The following DAB1 variants were observed in gnomAD, a reference collection of about 807,000 sequenced individuals.
DAB1 encodes DAB adaptor protein 1, also known as disabled homolog 1.
DAB1 carries 15 observed loss-of-function variants against 64.6 expected under a neutral mutation model. The observed-to-expected ratio is 0.23, with a 90% CI of 0.16 to 0.36. DAB1 has a LOEUF of 0.36. Among genes scored for constraint, DAB1 ranks in the 10% least tolerant of loss-of-function variants. The pLI is 1.00. For missense variants in DAB1, 596 were observed against 706.7 expected (o/e 0.84, Z 1.78); for synonymous variants, 235 against 251.9 (o/e 0.93, Z 0.64).
chr1:57,011,073 C>A, intron 13 of DAB1, 72 bp downstream of exon 13: 2 of 1,578,274 alleles, frequency 1.3e-6, no homozygotes, highest in Admixed American at 1.7e-5. Context: ...CTTCCTCATG[C>A]ATTATCCATT....
intron 7 of DAB1, among the ~76,000 whole-genome samples, chr1:57,452,166 C>G (rs1180123321): frequency 1.3e-5 from 1 of 75,012 alleles, no homozygotes; most frequent in Non-Finnish European, 2.3e-5. Flanking sequence ...TGCACCCCCC[C>G]TTTTTTTTTT....
intron 3 of DAB1, among the ~76,000 whole-genome samples, chr1:58,455,082 A>G (rs575652626): frequency 6.6e-6 from 1 of 152,278 alleles, no homozygotes; most frequent in African/African-American, 2.4e-5. Flanking sequence ...TCTATATTTG[A>G]GTTCTTCCAG....
At chr1:57,968,813 C>T (rs1645730292) in intron 5 of DAB1, among the ~76,000 whole-genome samples, 2 of 152,146 alleles carry the variant, frequency 1.3e-5, no homozygotes, top group Admixed American at 6.6e-5. Flanking sequence ...GCTTACAAAG[C>T]TGAATTTATT....
intron 2 of DAB1, among the ~76,000 whole-genome samples, chr1:57,218,534 A>C (rs1054909910): frequency 2.0e-5 from 3 of 148,916 alleles, no homozygotes; most frequent in South Asian, 2.1e-4. Flanking sequence ...AAAAAAAAAA[A>C]AAAAAAAAAC....
intron 3 of DAB1, among the ~76,000 whole-genome samples, chr1:58,473,437 G>A (rs1296916060): frequency 6.6e-6 from 1 of 151,996 alleles, no homozygotes; most frequent in African/African-American, 2.4e-5. Context: ...AGCTACTCGG[G>A]AGGCTGAGGC....
chr1:57,653,620 AT>A (rs1176557046), intron 6 of DAB1, among the ~76,000 whole-genome samples: 23 of 149,650 alleles, frequency 1.5e-4, no homozygotes, highest in East Asian at 1.4e-3. Context: ...TTACATTATT[AT>A]TTTTTTTTTG....
At chr1:57,854,091 T>C (rs1653649584) in intron 1 of DAB1, among the ~76,000 whole-genome samples, 1 of 152,208 alleles carries the variant, frequency 6.6e-6, no homozygotes. Flanking sequence ...AAGTAGTTTT[T>C]AAGTTAAAAA....
At chr1:57,699,782 G>A (rs1378592320) in intron 6 of DAB1, among the ~76,000 whole-genome samples, 2 of 151,982 alleles carry the variant, frequency 1.3e-5, no homozygotes, top group African/African-American at 4.8e-5. Context: ...GCGTGGTGGT[G>A]CGTGCCTGTA....
At chr1:57,338,634 T>C (rs1677299133) in intron 1 of DAB1, among the ~76,000 whole-genome samples, 1 of 152,318 alleles carries the variant, frequency 6.6e-6, no homozygotes, top group African/African-American at 2.4e-5. Flanking sequence ...ATATGTAGTA[T>C]CTATTTCTGC....
chr1:58,460,187 T>C lies in DAB1; in HGVS notation n.257+45873A>G, dbSNP rs1314929092. ...AGTTGAAGCACAAAGTCTAGGCATA[T>C]ATATATACCATTTTACTATCCAGGA... On this transcript the variant is annotated intron_variant and non_coding_transcript_variant, in intron 3 of 20. Transcript: ENST00000485760. Among the ~76,000 whole-genome samples the C allele has an allele frequency of 2.0e-5, 3 of 152,124 alleles. No homozygotes were observed. The East Asian group carries it at 5.8e-4, about 29-fold the overall frequency.
At chr1:57,398,284 C>T (rs1257136889) in intron 1 of DAB1, among the ~76,000 whole-genome samples, 1 of 151,928 alleles carries the variant, frequency 6.6e-6, no homozygotes, top group Admixed American at 6.6e-5. Context: ...GAACATGGGG[C>T]CTTATGTGAG....
chr1:57,221,525 A>G (rs892955935), intron 2 of DAB1, among the ~76,000 whole-genome samples: 2 of 152,116 alleles, frequency 1.3e-5, no homozygotes, highest in African/African-American at 2.4e-5. Context: ...ACGTTACAAA[A>G]TACTATTTTC....
intron 2 of DAB1, among the ~76,000 whole-genome samples, chr1:58,514,075 AC>A (rs1646123198): frequency 6.6e-6 from 1 of 152,190 alleles, no homozygotes; most frequent in South Asian, 2.1e-4. Context: ...CATAGTGGAC[AC>A]TATTTCTACC....
At chr1:57,876,777 C>T (rs1644054457) in intron 1 of DAB1, 2 of 152,106 alleles carry the variant, frequency 1.3e-5, no homozygotes, top group African/African-American at 4.8e-5. Flanking sequence ...GCTTAGAAGC[C>T]AAACTGAACT....
At chr1:58,030,678 T>C (rs1646958427) in intron 5 of DAB1, among the ~76,000 whole-genome samples, 1 of 152,194 alleles carries the variant, frequency 6.6e-6, no homozygotes, top group Non-Finnish European at 1.5e-5. Flanking sequence ...TTTTCCTCTA[T>C]TCACCTTTGT....
At chr1:57,302,595 G>A (rs1355402919) in intron 1 of DAB1, among the ~76,000 whole-genome samples, 1 of 152,004 alleles carries the variant, frequency 6.6e-6, no homozygotes, top group Non-Finnish European at 1.5e-5. Flanking sequence ...ATGGGCACTG[G>A]GATTTTTTTT....
chr1:57,452,173 T>C (rs1430175051), intron 7 of DAB1, among the ~76,000 whole-genome samples: 2 of 136,878 alleles, frequency 1.5e-5, no homozygotes, highest in East Asian at 2.5e-4. Context: ...CCCCTTTTTT[T>C]TTTTTTTTTT....
intron 7 of DAB1, among the ~76,000 whole-genome samples, chr1:57,634,109 C>T (rs960725365): frequency 1.3e-5 from 2 of 152,172 alleles, no homozygotes; most frequent in African/African-American, 4.8e-5. Context: ...CAAGACCTGC[C>T]TCTTTAAAGA....
At chr1:57,613,687 T>C (rs1645755291) in intron 7 of DAB1, among the ~76,000 whole-genome samples, 1 of 152,192 alleles carries the variant, frequency 6.6e-6, no homozygotes, top group South Asian at 2.1e-4. Flanking sequence ...TCAAAACTTT[T>C]CTCAGCTAAT....
Sources: gnomAD v4.1 joint callset for allele counts (sites outside exome capture counted in the v4.1 genomes callset) on GRCh38, gnomAD v4.1.1 for gene constraint, MANE v1.5 for transcripts, NCBI Gene and HGNC (gene_info 2026-07-23, HGNC 2026-07-21) for gene names.